ANKS1B: variants seen among roughly 807,000 people sequenced by gnomAD.
The protein encoded by ANKS1B is ankyrin repeat and sterile alpha motif domain-containing protein 1B.
In ANKS1B, 36 loss-of-function variants were observed where a neutral mutation model predicts 148.3. That is an observed-to-expected ratio of 0.24 (90% CI 0.19 to 0.32). The LOEUF is 0.32. Ranked by LOEUF, ANKS1B falls within the 10% of genes least tolerant of loss-of-function variation. The probability of loss-of-function intolerance (pLI) is 1.00; values close to 1 mark genes in which losing one functional copy is unlikely to be tolerated. For missense variants in ANKS1B, 1,157 were observed against 1,542.6 expected (o/e 0.75, Z 4.19); for synonymous variants, 542 against 560.8 (o/e 0.97, Z 0.47).
chr12:98,884,478 T>G (rs1267963120), intron 17 of ANKS1B, among the ~76,000 whole-genome samples: 1 of 152,186 alleles, frequency 6.6e-6, no homozygotes, highest in Non-Finnish European at 1.5e-5. Context: ...CCCTAGCTGG[T>G]CTCATCTAGG....
intron 13 of ANKS1B, among the ~76,000 whole-genome samples, chr12:99,245,141 C>T (rs1276524446): frequency 1.3e-5 from 2 of 152,170 alleles, no homozygotes; most frequent in Non-Finnish European, 2.9e-5. Flanking sequence ...AGGCATGAGC[C>T]ACCATTCCCG....
At chr12:99,791,820 TAATCTAATGATGCATCTTAAAGAA>T (rs376784826) in intron 4 of ANKS1B, among the ~76,000 whole-genome samples, 71,216 of 150,614 alleles carry the variant, frequency 0.47, 17,347 homozygotes, top group East Asian at 0.56. Flanking sequence ...TTAAAATAAA[TAATCTAATGATGCATCTTAAAGAA>T]TTTAAAAAGC....
chr12:98,812,501 C>T (rs769583762), intron 19 of ANKS1B, among the ~76,000 whole-genome samples: 7 of 152,176 alleles, frequency 4.6e-5, no homozygotes, highest in Non-Finnish European at 7.3e-5. Flanking sequence ...TAACTGTCAT[C>T]GTGTCAGTGC....
intron 8 of ANKS1B, among the ~76,000 whole-genome samples, chr12:99,746,536 C>A (rs971027379): frequency 2.0e-5 from 3 of 152,106 alleles, no homozygotes; most frequent in Non-Finnish European, 4.4e-5. Context: ...CCTCTTCATT[C>A]CCTTGCTTCT....
chr12:98,971,275 T>C (rs1450162578), intron 17 of ANKS1B, among the ~76,000 whole-genome samples: 1 of 152,230 alleles, frequency 6.6e-6, no homozygotes, highest in African/African-American at 2.4e-5. Context: ...CCTACATTAA[T>C]TAAATGAGAT....
intron 14 of ANKS1B, among the ~76,000 whole-genome samples, chr12:99,169,130 T>G (rs963059680): frequency 7.9e-5 from 12 of 152,202 alleles, no homozygotes; most frequent in African/African-American, 2.7e-4. Context: ...GGTGGGGAGA[T>G]AGCTTTGAAT....
rs146869561 is a variant in ANKS1B at position 99,102,369 on chromosome 12, C to T, written c.2527-17346G>A. Among the ~76,000 whole-genome samples, 14 of 152,222 alleles carry T rather than the reference C, an allele frequency of 9.2e-5. No individual in the cohort carries two copies. In the East Asian group the frequency reaches 2.7e-3, roughly 29 times the overall value. On this transcript the variant is annotated intron_variant, in intron 15 of 26. Transcript: ENST00000683438. ...AATGAGTAAGGGAGGAGAAAATGTG[C>T]AGCACAGCTGGAGAAGGAACAGGAT... is the stretch of plus-strand genomic sequence containing the variant.
intron 20 of ANKS1B, among the ~76,000 whole-genome samples, chr12:98,804,050 G>A (rs2099029265): frequency 6.6e-6 from 1 of 152,168 alleles, no homozygotes; most frequent in South Asian, 2.1e-4. Context: ...TGTTTAGACA[G>A]CGCCATCATC....
At position 99,540,463 on chromosome 12, in the gene ANKS1B, A is replaced by G. The variant is rs963219804; in HGVS notation, c.1273-35822T>C. On this transcript the variant is annotated intron_variant, in intron 9 of 26. Transcript: ENST00000683438. ...CATTTTAAATGTTTTATGTCATACA[A>G]GGTATGTTCTCTGACCATAATAGAA... Among the ~76,000 whole-genome samples, 6 of 152,316 alleles carry G rather than the reference A, an allele frequency of 3.9e-5. 1 individual carries two copies. The highest frequency in any genetic ancestry group is 3.9e-4 in the East Asian group (2 of 5,188).
chr12:99,052,713 C>T (rs1379053986), intron 17 of ANKS1B, among the ~76,000 whole-genome samples: 5 of 98,474 alleles, frequency 5.1e-5, no homozygotes, highest in Non-Finnish European at 8.7e-5. Context: ...CCGACCTGGG[C>T]GACAGAGCGA....
chr12:99,033,403 A>C (rs931625618), intron 17 of ANKS1B, among the ~76,000 whole-genome samples: 2 of 152,322 alleles, frequency 1.3e-5, no homozygotes, highest in African/African-American at 4.8e-5. Context: ...ATTTTGTGTA[A>C]TGTGCCATTT....
At chr12:99,048,330 T>G (rs2099963777) in intron 17 of ANKS1B, among the ~76,000 whole-genome samples, 1 of 152,220 alleles carries the variant, frequency 6.6e-6, no homozygotes, top group Non-Finnish European at 1.5e-5. Context: ...TTAGAGAGTT[T>G]CAGTTTTTTC....
intron 1 of ANKS1B, among the ~76,000 whole-genome samples, chr12:99,867,203 C>A (rs1457619573): frequency 6.6e-6 from 1 of 152,068 alleles, no homozygotes; most frequent in Admixed American, 6.6e-5. Context: ...ATTCTTCATC[C>A]TTTCCCTTCC....
chr12:98,897,585 C>T (rs551854631), intron 17 of ANKS1B, among the ~76,000 whole-genome samples: 7 of 152,114 alleles, frequency 4.6e-5, no homozygotes, highest in African/African-American at 1.7e-4. Flanking sequence ...GGTGAGGTTG[C>T]CGAGAAAAGG....
At chr12:99,051,783 A>G (rs568815825) in intron 17 of ANKS1B, among the ~76,000 whole-genome samples, 1 of 152,380 alleles carries the variant, frequency 6.6e-6, no homozygotes, top group Admixed American at 6.5e-5. Flanking sequence ...TGTGACTTTT[A>G]GATTCAAGAA....
At position 99,114,603 on chromosome 12, in the gene ANKS1B, T is replaced by C. The variant is rs772978285; in HGVS notation, c.2527-29580A>G. Among the ~76,000 whole-genome samples, 74 of 151,858 alleles carry C rather than the reference T, an allele frequency of 4.9e-4. 1 individual carries two copies. Among genetic ancestry groups the C allele is most frequent in the Non-Finnish European group, 5.3e-4 (36 of 67,960 alleles). On this transcript the variant is annotated intron_variant, in intron 15 of 26. Coordinates refer to ENST00000683438, the MANE Select transcript of ANKS1B (RefSeq NM_001352186.2). The stretch of plus-strand genomic sequence containing the variant: ...CCCATCTCTACTAAAAATACAAAAA[T>C]TAGCTGGGCGTGGTGGCATGGGCCT...
chr12:99,626,106 A>G (rs1346483833), intron 9 of ANKS1B, among the ~76,000 whole-genome samples: 1 of 152,176 alleles, frequency 6.6e-6, no homozygotes, highest in East Asian at 1.9e-4. Context: ...GTTTTCTTCT[A>G]TATCAAAATG....
intron 8 of ANKS1B, among the ~76,000 whole-genome samples, chr12:99,664,984 T>C (rs1261185356): frequency 1.3e-5 from 2 of 152,340 alleles, no homozygotes; most frequent in Admixed American, 6.5e-5. Flanking sequence ...TAATATTCCA[T>C]TGTATGGCTA....
chr12:99,613,468 T>A (rs1362284009), intron 9 of ANKS1B, among the ~76,000 whole-genome samples: 1 of 151,972 alleles, frequency 6.6e-6, no homozygotes, highest in African/African-American at 2.4e-5. Context: ...CCATCAATGA[T>A]ACAATGGATA....
Sources: gnomAD v4.1 joint callset for allele counts (sites outside exome capture counted in the v4.1 genomes callset) on GRCh38, gnomAD v4.1.1 for gene constraint, MANE v1.5 for transcripts, NCBI Gene and HGNC (gene_info 2026-07-23, HGNC 2026-07-21) for gene names.